The following CCNI variants were observed in gnomAD, a reference collection of about 807,000 sequenced individuals.
CCNI encodes cyclin-I.
In CCNI, 14 loss-of-function variants were observed where a neutral mutation model predicts 34.1. The observed-to-expected ratio is 0.41, with a 90% CI of 0.27 to 0.64. The LOEUF (loss-of-function observed/expected upper bound fraction) is 0.64. Ranked by LOEUF, CCNI falls within the 30% of genes least tolerant of loss-of-function variation. The pLI is 0.31. For missense variants in CCNI, 385 were observed against 440.5 expected, an observed-to-expected ratio of 0.87 and a Z score of 1.13; for synonymous variants, 154 against 158.4, an observed-to-expected ratio of 0.97 and a Z score of 0.21.
rs372298005 is a variant in CCNI at position 77,048,011 on chromosome 4, C to CTT, written c.*206_*207dup. ...AAAAAAGTTTGGATCTTTTGGATTT[C>CTT]TTTTTTTTTTTTTTGGTCTTTATGT... On this transcript the variant is annotated 3_prime_UTR_variant, in exon 7 of 7. Transcript: ENST00000237654. The CTT allele has an allele frequency of 5.3e-4, 168 of 316,328 alleles. No homozygotes were observed. The highest frequency in any genetic ancestry group is 9.2e-4 in the South Asian group (9 of 9,756). The allele number at this position is 316,328 out of a possible 1,614,324, so 19.6% of individuals were successfully genotyped here. A position where few individuals can be genotyped will look rare whatever the true frequency, so the allele number is the denominator to read the frequency against.
intron 5 of CCNI, 51 bp downstream of exon 5, chr4:77,055,911 C>T: frequency 7.0e-7 from 1 of 1,438,234 alleles, no homozygotes. Context: ...TTTTAATTTA[C>T]TGAAAACTAC....
At chr4:77,063,039 A>G (rs572316789) in intron 2 of CCNI, among the ~76,000 whole-genome samples, 1 of 152,324 alleles carries the variant, frequency 6.6e-6, no homozygotes, top group African/African-American at 2.4e-5. Context: ...TCAAATCACC[A>G]GAAAATTATA....
intron 1 of CCNI, among the ~76,000 whole-genome samples, chr4:77,067,445 T>G (rs950952717): frequency 2.0e-5 from 3 of 152,120 alleles, no homozygotes; most frequent in Non-Finnish European, 4.4e-5. Flanking sequence ...AATAGCAAGT[T>G]TAGCAGTGCA....
chr4:77,062,018 A>G (rs1171813326), intron 2 of CCNI, among the ~76,000 whole-genome samples: 1 of 151,990 alleles, frequency 6.6e-6, no homozygotes, highest in Non-Finnish European at 1.5e-5. Flanking sequence ...TCTGTCTTAA[A>G]CTTCATGCTG....
Position 77,048,237 on chromosome 4 carries a change from C to A in CCNI, c.1116G>T (p.Gln372His). The A allele has an allele frequency of 6.2e-7, 1 of 1,613,594 alleles. No homozygotes were observed. Among genetic ancestry groups the A allele is most frequent in the Non-Finnish European group, 8.5e-7 (1 of 1,179,716 alleles). ...GTTGAAACTACATGACAGAAACAGG[C>A]TGCAAAGGTGGACAAGGGGAAGCAT... ...EGHASPCPPL[Q>H]PVSVM Residue 372 changes from glutamine to histidine, a missense_variant, in exon 7 of 7, where the codon CAG becomes CAT. Coordinates refer to ENST00000237654, the MANE Select transcript of CCNI (RefSeq NM_006835.3).
intron 2 of CCNI, among the ~76,000 whole-genome samples, chr4:77,063,343 G>GTT (rs199988723): frequency 9.4e-5 from 7 of 74,092 alleles, no homozygotes; most frequent in South Asian, 5.8e-4. Context: ...GGAAAGGGAG[G>GTT]TAAAAAAAAA....
intron 2 of CCNI, among the ~76,000 whole-genome samples, chr4:77,064,239 CCTT>C (rs931327522): frequency 6.7e-6 from 1 of 148,926 alleles, no homozygotes; most frequent in African/African-American, 2.6e-5. Context: ...GAAAAAAACT[CCTT>C]CTCAAAAAAA....
At chr4:77,068,725 T>C (rs1236370664) in intron 1 of CCNI, among the ~76,000 whole-genome samples, 1 of 152,134 alleles carries the variant, frequency 6.6e-6, no homozygotes, top group Admixed American at 6.6e-5. Flanking sequence ...AATTAACATG[T>C]AAAAAGTTCC....
chr4:77,055,923 C>A, intron 5 of CCNI, 39 bp downstream of exon 5: 1 of 1,512,036 alleles, frequency 6.6e-7, no homozygotes, highest in Non-Finnish European at 9.0e-7. Context: ...GAAAACTACA[C>A]ACTCAAATAA....
chr4:77,070,588 G>A (rs1290668139), intron 1 of CCNI, among the ~76,000 whole-genome samples: 1 of 150,860 alleles, frequency 6.6e-6, no homozygotes, highest in Admixed American at 6.6e-5. Flanking sequence ...CTGCTGAGAT[G>A]TTCTGAGATT....
chr4:77,049,701 A>C (rs1472480028), intron 6 of CCNI, among the ~76,000 whole-genome samples: 1 of 151,444 alleles, frequency 6.6e-6, no homozygotes, highest in Non-Finnish European at 1.5e-5. Flanking sequence ...AAAAAAAGAC[A>C]CTAAAACCTT....
At position 77,075,728 on chromosome 4, in the gene CCNI, C is replaced by G. The variant is rs1265764253; in HGVS notation, c.-300G>C. 1 of 231,632 alleles carries G rather than the reference C, an allele frequency of 4.3e-6. No homozygotes were observed. 14.3% of individuals were successfully genotyped at this position (231,632 alleles called of 1,614,324 possible). A position where few individuals can be genotyped will look rare whatever the true frequency, so the allele number is the denominator to read the frequency against. Reference sequence around the variant, plus strand: ...CAGCGAATTAGTTCCATGATGACCCCCGGCCTGAGGCCGCCGCCGCTCGAG... The same window carrying G: ...CAGCGAATTAGTTCCATGATGACCCGCGGCCTGAGGCCGCCGCCGCTCGAG... On this transcript the variant is annotated 5_prime_UTR_variant, in exon 1 of 7. Transcript: ENST00000237654.
rs1727629059 is a variant in CCNI, at chr4:77,048,772, G to A, written c.691-110C>T. On this transcript the variant is annotated intron_variant, in intron 6 of 6. Coordinates refer to ENST00000237654, the MANE Select transcript of CCNI (RefSeq NM_006835.3). ...TCCCTGTGCTTTCCGTCCCCGCTGA[G>A]TCTTTTCTCTCCCCACATCTACCTC... 6 of 654,714 alleles carry A rather than the reference G, an allele frequency of 9.2e-6. No individual in the cohort carries two copies. The East Asian group carries it at 1.7e-4, about 18-fold the overall frequency. 40.6% of individuals were successfully genotyped at this position (654,714 alleles called of 1,614,324 possible). A position where few individuals can be genotyped will look rare whatever the true frequency, so the allele number is the denominator to read the frequency against.
At chr4:77,069,459 C>T (rs1729297834) in intron 1 of CCNI, among the ~76,000 whole-genome samples, 2 of 151,562 alleles carry the variant, frequency 1.3e-5, no homozygotes, top group African/African-American at 4.9e-5. Flanking sequence ...TATTATTATA[C>T]TTTAAGTTCT....
chr4:77,066,515 G>A (rs977531056), intron 1 of CCNI, 110 bp from the exon 2 acceptor site: 2 of 695,988 alleles, frequency 2.9e-6, no homozygotes, highest in African/African-American at 1.8e-5. Flanking sequence ...AGGCAGTATA[G>A]GATTTTATAG....
At chr4:77,062,711 A>G (rs933901637) in intron 2 of CCNI, among the ~76,000 whole-genome samples, 2 of 152,226 alleles carry the variant, frequency 1.3e-5, no homozygotes, top group African/African-American at 2.4e-5. Context: ...AATCATCTGT[A>G]TATCAACAAT....
chr4:77,075,794 G>A lies in CCNI; in HGVS notation c.-366C>T, dbSNP rs1230869361. ...GGCTCCCTCTCGCCATAGGGCGGCG[G>A]GGGCCGGGGAGAGGCGGGGGGTGAG... On this transcript the variant is annotated 5_prime_UTR_variant, in exon 1 of 7. Coordinates refer to ENST00000237654, the MANE Select transcript of CCNI (RefSeq NM_006835.3). 1 of 153,484 alleles carries A rather than the reference G, an allele frequency of 6.5e-6. No homozygotes were observed. The highest frequency in any genetic ancestry group is 1.4e-5 in the Non-Finnish European group (1 of 69,254). The allele number at this position is 153,484 out of a possible 1,614,324, so 9.5% of individuals were successfully genotyped here.
intron 2 of CCNI, among the ~76,000 whole-genome samples, chr4:77,065,472 C>G (rs1428190197): frequency 1.3e-5 from 2 of 152,162 alleles, no homozygotes; most frequent in Non-Finnish European, 2.9e-5. Context: ...AACTATGCAG[C>G]TAACAGTAGT....
At chr4:77,063,503 C>A (rs1266144975) in intron 2 of CCNI, among the ~76,000 whole-genome samples, 3 of 151,866 alleles carry the variant, frequency 2.0e-5, no homozygotes, top group African/African-American at 7.3e-5. Flanking sequence ...TCCTGGCTAA[C>A]ACAGTGAAAC....
Sources: allele counts gnomAD v4.1 joint callset (sites outside exome capture counted in the v4.1 genomes callset), GRCh38; gene constraint gnomAD v4.1.1; transcripts MANE v1.5; gene names NCBI Gene and HGNC (gene_info 2026-07-23, HGNC 2026-07-21).